The following UTY variants were observed in gnomAD, a reference collection of about 807,000 sequenced individuals.
UTY encodes the protein ubiquitously transcribed tetratricopeptide repeat containing, Y-linked.
UTY carries 12 observed loss-of-function variants against 32.5 expected under a neutral mutation model. The observed-to-expected ratio is 0.37, with a 90% CI of 0.24 to 0.60. UTY has a LOEUF of 0.60. Among genes scored for constraint, UTY ranks in the 20% least tolerant of loss-of-function variants. UTY has a pLI of 0.69. For synonymous variants in UTY, 131 were observed against 103.4 expected (o/e 1.27, Z -1.62); for missense variants, 303 against 299.2 (o/e 1.01, Z -0.09).
chrY:13,250,926 T>G, intron 29 of UTY, 91 bp downstream of exon 29: 3 of 295,583 alleles, frequency 1.0e-5, no homozygotes, highest in Non-Finnish European at 1.5e-5. Context: ...AAATTTAAGT[T>G]TCTTCTTAAC....
intron 26 of UTY, among the ~76,000 whole-genome samples, chrY:13,298,175 C>A (rs2058168643): frequency 9.1e-5 from 3 of 32,960 alleles, no homozygotes; most frequent in African/African-American, 3.6e-4. Context: ...AACAAACAAA[C>A]AAAAAAATAA....
At chrY:13,467,392 A>G in intron 3 of UTY, among the ~76,000 whole-genome samples, 1 of 34,318 alleles carries the variant, frequency 2.9e-5, no homozygotes, top group South Asian at 6.4e-4. Context: ...TATTCACTCC[A>G]CAGACAAAAA....
At chrY:13,443,126 G>T (rs763598198) in intron 4 of UTY, among the ~76,000 whole-genome samples, 4 of 33,220 alleles carry the variant, frequency 1.2e-4, no homozygotes, top group Non-Finnish European at 2.2e-4. Context: ...AATGTGGAAA[G>T]AAAATAAAAT....
intron 17 of UTY, among the ~76,000 whole-genome samples, chrY:13,342,002 A>G: frequency 3.0e-5 from 1 of 33,524 alleles, no homozygotes; most frequent in Non-Finnish European, 7.4e-5. Context: ...AAGAAAAGCC[A>G]TGATAATGAC....
Position 13,248,453 on chromosome Y carries a change from G to A in UTY, c.*1403C>T. The stretch of plus-strand genomic sequence containing the variant: ...AGCAAATTTTTCATATGAAATACAA[G>A]TTTTAATAGAACTTATTACAATTTA... On this transcript the variant is annotated 3_prime_UTR_variant, in exon 30 of 30. Transcript: ENST00000545955. 2.8e-5 allele frequency: 1 copy of A among 35,561 alleles called. No homozygotes were observed. Among genetic ancestry groups the A allele is most frequent in the African/African-American group, 1.2e-4 (1 of 8,602 alleles). 8.9% of individuals were successfully genotyped at this position (35,561 alleles called of 400,897 possible). A position where few individuals can be genotyped will look rare whatever the true frequency, so the allele number is the denominator to read the frequency against.
At chrY:13,340,177 T>C (rs2061394724) in intron 17 of UTY, among the ~76,000 whole-genome samples, 2 of 32,283 alleles carry the variant, frequency 6.2e-5, no homozygotes, top group Non-Finnish European at 1.5e-4. Context: ...TATCAACTCC[T>C]GGCTAAGTGT....
rs1603225684 is a variant in UTY, at chrY:13,248,957, A to G, written c.*899T>C. 2 of 38,754 alleles carry G rather than the reference A, an allele frequency of 5.2e-5. No individual in the cohort carries two copies. Among genetic ancestry groups the G allele is most frequent in the Admixed American group, 5.2e-4 (2 of 3,849 alleles). The allele number at this position is 38,754 out of a possible 400,897, so 9.7% of individuals were successfully genotyped here. On this transcript the variant is annotated 3_prime_UTR_variant, in exon 30 of 30. Transcript: ENST00000545955. ...GTGTGTACACATACACACACATATA[A>G]AATACATATAATCATTAGGTTTGAA...
chrY:13,350,873 C>A (rs2062349190), intron 17 of UTY, among the ~76,000 whole-genome samples: 1 of 33,052 alleles, frequency 3.0e-5, no homozygotes, highest in African/African-American at 1.2e-4. Context: ...CCGCTGCTTG[C>A]TCAATCGATC....
intron 10 of UTY, among the ~76,000 whole-genome samples, chrY:13,361,523 T>C (rs2063546573): frequency 6.1e-5 from 2 of 32,652 alleles, no homozygotes; most frequent in East Asian, 1.6e-3. Context: ...GACTTGATGA[T>C]GTGATTAGAG....
intron 4 of UTY, among the ~76,000 whole-genome samples, chrY:13,415,703 A>G: frequency 1.2e-4 from 4 of 33,931 alleles, no homozygotes; most frequent in Non-Finnish European, 2.9e-4. Flanking sequence ...GCTGTGTAAT[A>G]AGCTGCATCA....
intron 3 of UTY, among the ~76,000 whole-genome samples, chrY:13,464,241 C>T: frequency 3.0e-5 from 1 of 33,234 alleles, no homozygotes; most frequent in Non-Finnish European, 7.4e-5. Context: ...ATTTGACTCA[C>T]GAAAATTTAT....
chrY:13,452,355 CTCTG>C (rs2076394985), intron 3 of UTY, among the ~76,000 whole-genome samples: 1 of 32,958 alleles, frequency 3.0e-5, no homozygotes, highest in African/African-American at 1.2e-4. Context: ...CAGAGTGAGA[CTCTG>C]TCTGACAGCG....
At chrY:13,307,726 TAATA>T (rs2058774769) in intron 21 of UTY, among the ~76,000 whole-genome samples, 1 of 32,651 alleles carries the variant, frequency 3.1e-5, no homozygotes, top group Admixed American at 2.8e-4. Flanking sequence ...TACGGTTCAA[TAATA>T]AAAAGAAAAA....
chrY:13,246,770 G>A (rs1603223693), downstream of UTY, among the ~76,000 whole-genome samples: 1 of 28,509 alleles, frequency 3.5e-5, no homozygotes, highest in South Asian at 8.5e-4. Flanking sequence ...CCAGCTACTC[G>A]GGAGGCTGAG....
intron 28 of UTY, chrY:13,234,933 C>T: frequency 1.0e-5 from 1 of 95,790 alleles, no homozygotes; most frequent in South Asian, 5.3e-5. Context: ...CAGGGGCCCA[C>T]CCCCTTGCAC....
At chrY:13,386,884 A>G (rs2066883050) in intron 8 of UTY, among the ~76,000 whole-genome samples, 1 of 33,245 alleles carries the variant, frequency 3.0e-5, no homozygotes, top group South Asian at 6.6e-4. Context: ...CTGCAATCCC[A>G]GCTGTTCTGG....
intron 17 of UTY, among the ~76,000 whole-genome samples, 177 bp from the exon 18 acceptor site, chrY:13,336,512 G>T: frequency 9.0e-5 from 3 of 33,267 alleles, no homozygotes; most frequent in Non-Finnish European, 2.2e-4. Flanking sequence ...GATTAAAGTG[G>T]TTAGTATTTT....
At chrY:13,412,181 T>C (rs920303302) in intron 5 of UTY, among the ~76,000 whole-genome samples, 21 of 33,864 alleles carry the variant, frequency 6.2e-4, no homozygotes, top group African/African-American at 2.3e-3. Context: ...CAAAAATAAA[T>C]ACGAGGGCAA....
At chrY:13,311,291 A>C (rs2148832202) in intron 21 of UTY, among the ~76,000 whole-genome samples, 1 of 32,543 alleles carries the variant, frequency 3.1e-5, no homozygotes, top group Non-Finnish European at 7.6e-5. Context: ...ATCTTCAACA[A>C]CACCGATAAA....
Sources: gnomAD v4.1 joint callset for allele counts (sites outside exome capture counted in the v4.1 genomes callset) on GRCh38, gnomAD v4.1.1 for gene constraint, MANE v1.5 for transcripts, NCBI Gene and HGNC (gene_info 2026-07-23, HGNC 2026-07-21) for gene names.